The following SVEP1 variants were observed in gnomAD, a reference collection of about 807,000 sequenced individuals.
SVEP1 encodes sushi, von Willebrand factor type A, EGF and pentraxin domain-containing protein 1.
Under a neutral mutation model 367.3 loss-of-function variants are expected in SVEP1, and 164 were observed. That is an observed-to-expected ratio of 0.45 (90% CI 0.39 to 0.51). The LOEUF is 0.51. SVEP1 is among the 20% of genes least tolerant of loss of function. The pLI, the probability that SVEP1 is intolerant of heterozygous loss-of-function variation, is 0.00. For missense variants in SVEP1, 4,117 were observed against 4,425.3 expected (o/e 0.93, Z 1.98); for synonymous variants, 1,666 against 1,611.6 (o/e 1.03, Z -0.81).
chr9:110,578,252 C>T (rs73657607), intron 1 of SVEP1, among the ~76,000 whole-genome samples: 29,945 of 152,008 alleles, frequency 0.2, 3,070 homozygotes, highest in East Asian at 0.28. Context: ...ATATAACAAA[C>T]GAAAAATGTA....
Position 110,446,969 on chromosome 9 carries a change from A to C in SVEP1, c.4192T>G (p.Cys1398Gly). The C allele has an allele frequency of 6.5e-7, 1 of 1,547,412 alleles. No homozygotes were observed. Among genetic ancestry groups the C allele is most frequent in the Non-Finnish European group, 8.7e-7 (1 of 1,145,488 alleles). The change falls in exon 25 of 48, where the codon TGT becomes GGT. Residue 1398 changes from cysteine (C) to glycine (G), a missense_variant. Coordinates refer to ENST00000374469, the MANE Select transcript of SVEP1 (RefSeq NM_153366.4). ...CTGTATGAATTTAATTCATCCACAC[A>C]GGTGGCCTGATTTCTACATGGATTA... is the stretch of plus-strand genomic sequence containing the variant. ...QSNPCRNQAT[C>G]VDELNSYSCK... is the part of the protein sequence containing the mutation.
chr9:110,402,927 G>C (rs1378517300), intron 39 of SVEP1, among the ~76,000 whole-genome samples: 1 of 152,176 alleles, frequency 6.6e-6, no homozygotes, highest in Non-Finnish European at 1.5e-5. Flanking sequence ...AAAACTGGGA[G>C]AAGGGAATGG....
chr9:110,434,412 G>A lies in SVEP1; in HGVS notation c.4983C>T (p.Gly1661=). 3 of 1,613,430 alleles carry A rather than the reference G, an allele frequency of 1.9e-6. No homozygotes were observed. The highest frequency in any genetic ancestry group is 2.5e-6 in the Non-Finnish European group (3 of 1,179,714). The part of the protein sequence containing the change: ...GSKVNLFCDP[G]FQLVGNPVQY... ...GCACAGGGTTCCCGACCAGCTGGAA[G>A]CCTGGATCACAGAACAGATTGACTT... Residue 1661 remains glycine, a synonymous_variant, in exon 30 of 48, where the codon GGC becomes GGT. Transcript: ENST00000374469.
chr9:110,453,818 G>A (rs1304043123), intron 22 of SVEP1, among the ~76,000 whole-genome samples: 2 of 151,190 alleles, frequency 1.3e-5, no homozygotes, highest in Admixed American at 1.3e-4. Flanking sequence ...GTAGTGAGCC[G>A]AGATCATGCC....
intron 3 of SVEP1, among the ~76,000 whole-genome samples, chr9:110,521,190 G>A (rs967025199): frequency 6.6e-6 from 1 of 152,176 alleles, no homozygotes. Context: ...TTCTTTTTAT[G>A]AGGCAGCCAA....
chr9:110,503,630 C>T (rs1284557642), intron 5 of SVEP1, among the ~76,000 whole-genome samples: 2 of 152,156 alleles, frequency 1.3e-5, no homozygotes, highest in Admixed American at 6.5e-5. Context: ...GGTTCATGAT[C>T]GACTTGGTTC....
intron 43 of SVEP1, among the ~76,000 whole-genome samples, chr9:110,381,711 T>C (rs1235238442): frequency 1.3e-5 from 2 of 152,218 alleles, no homozygotes; most frequent in Admixed American, 1.3e-4. Flanking sequence ...TCAAGACCAC[T>C]TGATCTAGAG....
At chr9:110,534,260 C>T (rs10739305) in intron 3 of SVEP1, among the ~76,000 whole-genome samples, 104,592 of 151,914 alleles carry the variant, frequency 0.69, 36,864 homozygotes, top group Middle Eastern at 0.78. Flanking sequence ...CTCCCACTTA[C>T]AAGTAAGAAC....
At position 110,514,217 on chromosome 9, in the gene SVEP1, A is replaced by C. The variant is rs1286101236; in HGVS notation, c.965-111T>G. On this transcript the variant is annotated intron_variant, in intron 3 of 47. Transcript: ENST00000374469. ...AAAGCCAAACAATAGTTTTCCATAG[A>C]AATGGTGATGTAGGCTGGGTGTGGT... is the stretch of plus-strand genomic sequence containing the variant. 2.8e-6 allele frequency: 4 copies of C among 1,413,928 alleles called. No homozygotes were observed. In the East Asian group the frequency reaches 7.5e-5, roughly 26 times the overall value. The allele number at this position is 1,413,928 out of a possible 1,614,324, so 87.6% of individuals were successfully genotyped here.
At chr9:110,477,909 A>T (rs367963396) in intron 13 of SVEP1, among the ~76,000 whole-genome samples, 1 of 152,186 alleles carries the variant, frequency 6.6e-6, no homozygotes, top group East Asian at 1.9e-4. Flanking sequence ...TTGTTCCCTC[A>T]AATGGCTTTC....
intron 39 of SVEP1, among the ~76,000 whole-genome samples, chr9:110,401,324 T>C (rs918625797): frequency 2.0e-5 from 3 of 152,030 alleles, no homozygotes; most frequent in African/African-American, 7.2e-5. Flanking sequence ...GCACGAGAAC[T>C]GGAGGTTAAT....
At chr9:110,408,981 C>T (rs758186644) in intron 37 of SVEP1, 30 bp from the exon 38 acceptor site, 20 of 1,529,232 alleles carry the variant, frequency 1.3e-5, no homozygotes, top group Admixed American at 8.5e-5. Flanking sequence ...CAAGTGAGTG[C>T]GATTTGTATA....
intron 3 of SVEP1, among the ~76,000 whole-genome samples, chr9:110,540,492 T>C (rs192196492): frequency 2.0e-5 from 3 of 152,180 alleles, no homozygotes; most frequent in East Asian, 1.9e-4. Context: ...TTGTAAAACA[T>C]TGATTGATTT....
chr9:110,508,968 A>G lies in SVEP1; in HGVS notation c.1303+3958T>C, dbSNP rs115511561. On this transcript the variant is annotated intron_variant, in intron 5 of 47. Transcript: ENST00000374469. Reference sequence around the variant, plus strand: ...ATGCAGGTCTTTCATTTCTGCCTCAATCTTACACATATTTTTGAGAAAGTA... The same window carrying G: ...ATGCAGGTCTTTCATTTCTGCCTCAGTCTTACACATATTTTTGAGAAAGTA... Among the ~76,000 whole-genome samples the G allele has an allele frequency of 5.8e-3, 888 of 152,180 alleles. 9 individuals are homozygous for G. The highest frequency in any genetic ancestry group is 0.021 in the African/African-American group (853 of 41,524).
intron 3 of SVEP1, among the ~76,000 whole-genome samples, chr9:110,533,670 T>C (rs1830048522): frequency 6.6e-6 from 1 of 152,206 alleles, no homozygotes; most frequent in African/African-American, 2.4e-5. Context: ...AGGCACACCA[T>C]GTTTTCAACG....
At chr9:110,537,348 T>A (rs546202077) in intron 3 of SVEP1, among the ~76,000 whole-genome samples, 96 of 152,130 alleles carry the variant, frequency 6.3e-4, no homozygotes, top group Non-Finnish European at 1.3e-3. Context: ...TGCATCTTAT[T>A]AAGAAGTGAA....
Position 110,576,088 on chromosome 9 carries a change from A to G in SVEP1, c.531+2925T>C, listed in dbSNP as rs374339834. Among the ~76,000 whole-genome samples, 157 of 152,292 alleles carry G rather than the reference A, an allele frequency of 1.0e-3. 2 individuals are homozygous for G. In the South Asian group the frequency reaches 0.022, roughly 22 times the overall value. ...CAGAGCAACTTGACACATGTATTAAATGTCTTAAAAAAACATGAATATTCT... is the reference window on the plus strand; with the variant it reads ...CAGAGCAACTTGACACATGTATTAAGTGTCTTAAAAAAACATGAATATTCT... On this transcript the variant is annotated intron_variant, in intron 1 of 47. Coordinates refer to ENST00000374469, the MANE Select transcript of SVEP1 (RefSeq NM_153366.4).
At chr9:110,505,844 G>A (rs1488841926) in intron 5 of SVEP1, among the ~76,000 whole-genome samples, 1 of 147,616 alleles carries the variant, frequency 6.8e-6, no homozygotes, top group East Asian at 2.0e-4. Context: ...ATACTTTTAA[G>A]TTCTGGGGTA....
chr9:110,371,119 G>A (rs1001146671), intron 46 of SVEP1, among the ~76,000 whole-genome samples: 2 of 152,172 alleles, frequency 1.3e-5, no homozygotes, highest in Admixed American at 1.3e-4. Flanking sequence ...TAAGTTAAGA[G>A]TAAGAGCTGG....
Sources: gnomAD v4.1 joint callset for allele counts (sites outside exome capture counted in the v4.1 genomes callset) on GRCh38, gnomAD v4.1.1 for gene constraint, MANE v1.5 for transcripts, NCBI Gene and HGNC (gene_info 2026-07-23, HGNC 2026-07-21) for gene names.